The following TMEM114 variants were observed in gnomAD, a reference collection of about 807,000 sequenced individuals.
The protein encoded by TMEM114 is transmembrane protein 114.
Under a neutral mutation model 6.2 loss-of-function variants are expected in TMEM114, and 6 were observed. That is an observed-to-expected ratio of 0.97 (90% CI 0.53 to 1.91). The LOEUF is 1.91. Ranked by LOEUF, TMEM114 falls within the 40% of genes most tolerant of loss-of-function variation. The pLI, the probability that TMEM114 is intolerant of heterozygous loss-of-function variation, is 0.01. For missense variants in TMEM114, 218 were observed against 158.3 expected (o/e 1.38, Z -2.02); for synonymous variants, 104 against 73.0 (o/e 1.42, Z -2.16).
chr16:8,584,634 C>T (rs1211543083), intron 2 of TMEM114, among the ~76,000 whole-genome samples: 1 of 152,078 alleles, frequency 6.6e-6, no homozygotes, highest in African/African-American at 2.4e-5. Flanking sequence ...CTAATAAAGA[C>T]ATACCTGGCT....
At chr16:8,570,466 G>C (rs1293642013) in intron 3 of TMEM114, among the ~76,000 whole-genome samples, 1 of 152,022 alleles carries the variant, frequency 6.6e-6, no homozygotes, top group Non-Finnish European at 1.5e-5. Context: ...TGAGTAGCTG[G>C]GAATACAGAT....
At chr16:8,557,074 A>C (rs1901036980) in intron 2 of TMEM114, among the ~76,000 whole-genome samples, 1 of 152,166 alleles carries the variant, frequency 6.6e-6, no homozygotes, top group Non-Finnish European at 1.5e-5. Flanking sequence ...AGAGGGTAGC[A>C]GATTGTACTT....
At chr16:8,562,561 T>C (rs895171852) in intron 2 of TMEM114, among the ~76,000 whole-genome samples, 3 of 132,718 alleles carry the variant, frequency 2.3e-5, no homozygotes, top group East Asian at 2.2e-4. Context: ...AGTGCGTCAA[T>C]GAGTGAGTGA....
At position 8,569,770 on chromosome 16, in the gene TMEM114, G is replaced by T; in HGVS notation, c.*3C>A. ...CCTCCCCTCCACGACCCAGCGCCCA[G>T]GCTCATATGGCCTGGTCCTGCCTCC... On this transcript the variant is annotated 3_prime_UTR_variant, in exon 4 of 4. Coordinates refer to ENST00000620492, the MANE Select transcript of TMEM114 (RefSeq NM_001146336.2). 2.6e-6 allele frequency: 4 copies of T among 1,548,246 alleles called. No homozygotes were observed. The highest frequency in any genetic ancestry group is 3.5e-6 in the Non-Finnish European group (4 of 1,145,278).
intron 2 of TMEM114, among the ~76,000 whole-genome samples, chr16:8,540,517 T>G (rs1226788114): frequency 1.3e-5 from 2 of 152,226 alleles, no homozygotes; most frequent in Non-Finnish European, 2.9e-5. Context: ...CTATTATTAC[T>G]GTTATAATAG....
chr16:8,530,133 C>T, the TMEM114 span, among the ~76,000 whole-genome samples: 1 of 152,158 alleles, frequency 6.6e-6, no homozygotes, highest in Non-Finnish European at 1.5e-5. Flanking sequence ...TTTTTCCTGC[C>T]ACATCCTTTT....
chr16:8,539,041 A>C (rs1900442278), intron 2 of TMEM114, among the ~76,000 whole-genome samples: 1 of 152,232 alleles, frequency 6.6e-6, no homozygotes. Context: ...TGAATGAATA[A>C]ATAAATTCTG....
At chr16:8,529,093 C>T in the TMEM114 span, among the ~76,000 whole-genome samples, 18 of 152,282 alleles carry the variant, frequency 1.2e-4, no homozygotes, top group Non-Finnish European at 1.9e-4. Context: ...ACAGCAAAAT[C>T]CTCAGCATCT....
At chr16:8,534,196 G>C (rs774819410), downstream of TMEM114, among the ~76,000 whole-genome samples, 10 of 152,234 alleles carry the variant, frequency 6.6e-5, no homozygotes, top group Non-Finnish European at 8.8e-5. Context: ...AGGTTTCGCA[G>C]TGTGATGACT....
Position 8,589,991 on chromosome 16 carries a change from G to A in TMEM114, c.-153C>T, listed in dbSNP as rs1436218860. 1 of 383,774 alleles carries A rather than the reference G, an allele frequency of 2.6e-6. No individual in the cohort carries two copies. The highest frequency in any genetic ancestry group is 4.6e-6 in the Non-Finnish European group (1 of 217,088). The allele number at this position is 383,774 out of a possible 1,614,324, so 23.8% of individuals were successfully genotyped here. On this transcript the variant is annotated 5_prime_UTR_variant, in exon 1 of 4. Transcript: ENST00000620492. ...TCTGAAAGCCTTTCCTTTGGACCCC[G>A]GGCCCTAGCTTAGACCCTGGCTCCT...
chr16:8,566,535 A>AGATCAGAATG (rs1200477278), downstream of TMEM114, among the ~76,000 whole-genome samples: 1 of 152,242 alleles, frequency 6.6e-6, no homozygotes, highest in Non-Finnish European at 1.5e-5. Context: ...AGAATAGAAC[A>AGATCAGAATG]GATCAGAATG....
chr16:8,552,020 C>A (rs185088491), intron 2 of TMEM114, among the ~76,000 whole-genome samples: 28 of 152,242 alleles, frequency 1.8e-4, no homozygotes, highest in African/African-American at 5.8e-4. Flanking sequence ...ATATAACATT[C>A]TCAAAATTAC....
intron 2 of TMEM114, among the ~76,000 whole-genome samples, chr16:8,572,454 G>C (rs1334251173): frequency 1.3e-5 from 2 of 152,078 alleles, no homozygotes; most frequent in Non-Finnish European, 2.9e-5. Flanking sequence ...TTTTGTTTTT[G>C]AGACAGGGTC....
chr16:8,588,635 G>A (rs938220585), intron 2 of TMEM114, among the ~76,000 whole-genome samples: 3 of 152,160 alleles, frequency 2.0e-5, no homozygotes, highest in Non-Finnish European at 4.4e-5. Flanking sequence ...AACCAACCAG[G>A]AATAAGAGGG....
In TMEM114 at chr16:8,548,703, T is replaced by C. The variant is rs187230072; in HGVS notation, n.213-10877A>G. On this transcript the variant is annotated intron_variant and non_coding_transcript_variant, in intron 2 of 2. Coordinates refer to the TMEM114 transcript ENST00000623677. ...AGCTAAAAATTGCCATGTATATATA[T>C]ACACAGAAAAAAAATACACCCATAT... Among the ~76,000 whole-genome samples the C allele has an allele frequency of 5.3e-5, 8 of 151,036 alleles. No individual in the cohort carries two copies. The East Asian group carries it at 1.3e-3, about 25-fold the overall frequency.
intron 2 of TMEM114, among the ~76,000 whole-genome samples, chr16:8,559,111 C>T (rs892523766): frequency 1.3e-5 from 2 of 152,026 alleles, no homozygotes; most frequent in African/African-American, 2.4e-5. Context: ...GGCATGATCT[C>T]GGCTCACTGC....
At chr16:8,578,659 T>A (rs767715733) in intron 2 of TMEM114, among the ~76,000 whole-genome samples, 1 of 152,190 alleles carries the variant, frequency 6.6e-6, no homozygotes, top group African/African-American at 2.4e-5. Context: ...ATGATACCTG[T>A]GGTTATTACA....
chr16:8,583,987 G>C (rs554695934), intron 2 of TMEM114, among the ~76,000 whole-genome samples: 2 of 152,224 alleles, frequency 1.3e-5, no homozygotes, highest in Non-Finnish European at 2.9e-5. Flanking sequence ...CCCTTGGCTG[G>C]AGGGATTGGC....
downstream of TMEM114, among the ~76,000 whole-genome samples, chr16:8,564,686 T>G (rs1901462752): frequency 1.2e-4 from 2 of 16,816 alleles, no homozygotes; most frequent in Non-Finnish European, 2.5e-4. Flanking sequence ...AGTGAATGAG[T>G]GAGTGAATGA....
Sources: allele counts gnomAD v4.1 joint callset (sites outside exome capture counted in the v4.1 genomes callset), GRCh38; gene constraint gnomAD v4.1.1; transcripts MANE v1.5; gene names NCBI Gene and HGNC (gene_info 2026-07-23, HGNC 2026-07-21).